Variants in GRK5 observed in about 807,000 individuals in gnomAD.
GRK5 encodes the protein g protein-coupled receptor kinase GRK5.
A neutral mutation model predicts 78.4 loss-of-function variants in GRK5; 40 were observed. That is an observed-to-expected ratio of 0.51 (90% CI 0.40 to 0.66). GRK5 has a LOEUF of 0.66. Among genes scored for constraint, GRK5 ranks in the 30% least tolerant of loss-of-function variants. The pLI is 0.00. For synonymous variants in GRK5, 289 were observed against 296.8 expected (o/e 0.97, Z 0.27); for missense variants, 598 against 759.9 (o/e 0.79, Z 2.50).
Position 119,431,497 on chromosome 10 carries a change from G to T in GRK5, c.708G>T (p.Gln236His). ...AGTCCATGGCCCTCAATGAGAAGCA[G>T]ATCCTCGAGAAGGTCAACAGTCAGT... ...KGESMALNEK[Q>H]ILEKVNSQFV... Residue 236 changes from glutamine to histidine, a missense_variant, in exon 8 of 16, where the codon CAG becomes CAT. Transcript: ENST00000392870. The surrounding 1 kb of genome is among the most constrained non-coding windows in gnomAD (Gnocchi z 4.8). 1 of 1,613,896 alleles carries T rather than the reference G, an allele frequency of 6.2e-7. No individual in the cohort carries two copies. Among genetic ancestry groups the T allele is most frequent in the Non-Finnish European group, 8.5e-7 (1 of 1,179,874 alleles).
intron 1 of GRK5, among the ~76,000 whole-genome samples, chr10:119,226,546 T>C: frequency 6.8e-6 from 1 of 146,654 alleles, no homozygotes; most frequent in African/African-American, 2.6e-5. Flanking sequence ...TGTCTCTGTA[T>C]CTTTTTTTTT....
chr10:119,283,873 A>G (rs1335196962), intron 1 of GRK5, among the ~76,000 whole-genome samples: 3 of 152,234 alleles, frequency 2.0e-5, no homozygotes, highest in Non-Finnish European at 2.9e-5. Context: ...TTGTGTCCCC[A>G]GAGCCTGGCA....
chr10:119,209,023 A>G (rs1302711423), intron 1 of GRK5, among the ~76,000 whole-genome samples: 1 of 152,196 alleles, frequency 6.6e-6, no homozygotes, highest in African/African-American at 2.4e-5. Context: ...GGTAGAAGGC[A>G]GACTGAGTAA....
At chr10:119,394,298 G>GTGTGTGTGTGTGTGTGTGGGGT (rs1851966374) in intron 3 of GRK5, among the ~76,000 whole-genome samples, 1 of 5,848 alleles carries the variant, frequency 1.7e-4, no homozygotes, top group Non-Finnish European at 4.7e-4. Context: ...GTGTATCTGT[G>GTGTGTGTGTGTGTGTGTGGGGT]TGTCTGTGTG....
intron 1 of GRK5, among the ~76,000 whole-genome samples, chr10:119,258,847 T>G (rs571785070): frequency 2.6e-5 from 4 of 152,194 alleles, no homozygotes; most frequent in African/African-American, 4.8e-5. Flanking sequence ...ATCCATCCCC[T>G]GTCAGTTATT....
chr10:119,444,885 A>G (rs1853112545), intron 12 of GRK5, among the ~76,000 whole-genome samples: 1 of 152,206 alleles, frequency 6.6e-6, no homozygotes, highest in Non-Finnish European at 1.5e-5. Flanking sequence ...CTGGGAGTTG[A>G]TTAAAAGTCG....
At chr10:119,254,068 G>C (rs140735672) in intron 1 of GRK5, among the ~76,000 whole-genome samples, 3 of 152,360 alleles carry the variant, frequency 2.0e-5, no homozygotes, top group Non-Finnish European at 2.9e-5. Flanking sequence ...CCACACCACA[G>C]CGGGGAAAGA....
intron 1 of GRK5, among the ~76,000 whole-genome samples, chr10:119,280,198 A>G (rs573900065): frequency 6.6e-6 from 1 of 152,334 alleles, no homozygotes; most frequent in Non-Finnish European, 1.5e-5. Flanking sequence ...AAGCAACTTA[A>G]CAAAAATTGG....
intron 2 of GRK5, among the ~76,000 whole-genome samples, chr10:119,372,353 G>A (rs149064076): frequency 8.3e-4 from 127 of 152,354 alleles, no homozygotes; most frequent in African/African-American, 2.8e-3. Context: ...ATCCAACTTC[G>A]TGGTGGAGGC....
At chr10:119,211,415 C>G (rs1174002402) in intron 1 of GRK5, 2 of 152,222 alleles carry the variant, frequency 1.3e-5, no homozygotes, top group East Asian at 3.9e-4. Flanking sequence ...TGCTGAGTGC[C>G]TTTTGTGTGT....
rs749085908 is a variant in GRK5 at position 119,455,315 on chromosome 10, T to C, written c.*248T>C. On this transcript the variant is annotated 3_prime_UTR_variant, in exon 16 of 16. Transcript: ENST00000392870. ...TCTTTGGTGAACATTGCAATAGAAA[T>C]CCAATTGGATACGACAACTTGCACG... 2 of 679,922 alleles carry C rather than the reference T, an allele frequency of 2.9e-6. No homozygotes were observed. The highest frequency in any genetic ancestry group is 3.0e-5 in the South Asian group (2 of 65,934). 42.1% of individuals were successfully genotyped at this position (679,922 alleles called of 1,614,324 possible).
chr10:119,324,046 C>G (rs1338974606), intron 1 of GRK5, among the ~76,000 whole-genome samples: 1 of 152,222 alleles, frequency 6.6e-6, no homozygotes, highest in Admixed American at 6.5e-5. Flanking sequence ...TTTCTGGGAG[C>G]TCACAGGCTG....
At chr10:119,330,255 T>C (rs1850748957) in intron 2 of GRK5, 1 of 151,954 alleles carries the variant, frequency 6.6e-6, no homozygotes, top group Non-Finnish European at 1.5e-5. Context: ...TATCTCTCAT[T>C]GTTCTGGAGG....
At chr10:119,418,507 C>A (rs1258173488) in intron 4 of GRK5, among the ~76,000 whole-genome samples, 1 of 152,218 alleles carries the variant, frequency 6.6e-6, no homozygotes, top group Admixed American at 6.5e-5. Context: ...TTGGTGTCTT[C>A]AGCTGTCCCA....
intron 3 of GRK5, among the ~76,000 whole-genome samples, chr10:119,386,419 C>T (rs941401563): frequency 1.3e-5 from 2 of 152,002 alleles, no homozygotes; most frequent in Non-Finnish European, 2.9e-5. Flanking sequence ...TTTCCAGCCA[C>T]GTGTTTTGTT....
intron 1 of GRK5, among the ~76,000 whole-genome samples, chr10:119,241,950 G>T (rs945284829): frequency 1.3e-5 from 2 of 152,162 alleles, no homozygotes; most frequent in African/African-American, 4.8e-5. Context: ...CTTCTGGAGG[G>T]TAGGGAAGCC....
rs1848885615 is a variant in GRK5, at chr10:119,234,491, C to G, written c.52+26522C>G. Among the ~76,000 whole-genome samples the G allele has an allele frequency of 1.3e-5, 2 of 152,166 alleles. 1 individual carries two copies. The highest frequency in any genetic ancestry group is 4.1e-4 in the South Asian group (2 of 4,824). On this transcript the variant is annotated intron_variant, in intron 1 of 15. Coordinates refer to ENST00000392870, the MANE Select transcript of GRK5 (RefSeq NM_005308.3). ...AGGAATCTTGCCCAAGTTCCACCGT[C>G]AGTAGGAGGCAAAAGTACATTTGGG... is the stretch of plus-strand genomic sequence containing the variant.
intron 3 of GRK5, among the ~76,000 whole-genome samples, chr10:119,387,265 A>G (rs1055446259): frequency 5.3e-5 from 8 of 152,078 alleles, no homozygotes; most frequent in Admixed American, 4.6e-4. Context: ...CAGCCTCTCA[A>G]AGTGCTGGGA....
At position 119,252,611 on chromosome 10, in the gene GRK5, G is replaced by A. The variant is rs190325530; in HGVS notation, c.52+44642G>A. ...CTTCCTTCTGGTCCTCATGTTTCTC[G>A]TAAAGCTGACTTCCAACTAGAACAG... On this transcript the variant is annotated intron_variant, in intron 1 of 15. Coordinates refer to ENST00000392870, the MANE Select transcript of GRK5 (RefSeq NM_005308.3). Among the ~76,000 whole-genome samples, 331 of 152,216 alleles carry A rather than the reference G, an allele frequency of 2.2e-3. 1 individual carries two copies. In the Middle Eastern group the frequency reaches 0.024, roughly 11 times the overall value.
Sources: allele counts gnomAD v4.1 joint callset (sites outside exome capture counted in the v4.1 genomes callset), GRCh38; gene constraint gnomAD v4.1.1; non-coding constraint Gnocchi (gnomAD v3.1); transcripts MANE v1.5; gene names NCBI Gene and HGNC (gene_info 2026-07-23, HGNC 2026-07-21).